The following FMN2 variants were observed in gnomAD, a reference collection of about 807,000 sequenced individuals.
FMN2 encodes the protein formin-2.
In FMN2, 51 loss-of-function variants were observed where a neutral mutation model predicts 142.3. The observed-to-expected ratio is 0.36, with a 90% CI of 0.29 to 0.45. The LOEUF (loss-of-function observed/expected upper bound fraction) is 0.45. FMN2 is among the 20% of genes least tolerant of loss of function. The probability of loss-of-function intolerance (pLI) is 1.00; values close to 1 mark genes in which losing one functional copy is unlikely to be tolerated. For synonymous variants in FMN2, 882 were observed against 869.8 expected (o/e 1.01, Z -0.25); for missense variants, 1,936 against 2,122.8 (o/e 0.91, Z 1.73).
chr1:240,107,041 T>G (rs368211018), intron 1 of FMN2, among the ~76,000 whole-genome samples: 16 of 151,666 alleles, frequency 1.1e-4, no homozygotes, highest in Non-Finnish European at 2.1e-4. Context: ...TTCCATTGAC[T>G]GTAGGAACAC....
intron 6 of FMN2, among the ~76,000 whole-genome samples, chr1:240,218,147 A>G (rs1276493096): frequency 6.6e-6 from 1 of 151,926 alleles, no homozygotes; most frequent in Non-Finnish European, 1.5e-5. Flanking sequence ...GCTGGGCGTG[A>G]TGGCATGCGC....
intron 2 of FMN2, among the ~76,000 whole-genome samples, chr1:240,176,377 T>G (rs1038181216): frequency 6.6e-6 from 1 of 152,194 alleles, no homozygotes; most frequent in Non-Finnish European, 1.5e-5. Flanking sequence ...AGCTTGCCAC[T>G]CTGGTAGGTG....
intron 15 of FMN2, among the ~76,000 whole-genome samples, chr1:240,428,997 C>A (rs562169206): frequency 6.6e-6 from 1 of 152,082 alleles, no homozygotes; most frequent in East Asian, 1.9e-4. Flanking sequence ...TTTAAAATTT[C>A]TCTTTGATTT....
At chr1:240,461,099 T>G (rs567077432) in intron 16 of FMN2, among the ~76,000 whole-genome samples, 6 of 152,332 alleles carry the variant, frequency 3.9e-5, no homozygotes, top group South Asian at 2.1e-4. Context: ...TTGCCTGCCT[T>G]CCTTCTTGCA....
intron 15 of FMN2, among the ~76,000 whole-genome samples, chr1:240,437,509 A>G (rs182259386): frequency 0.011 from 1,623 of 151,950 alleles, 14 homozygotes; most frequent in Non-Finnish European, 0.014. Flanking sequence ...TCACCGTGTT[A>G]GCCAGGATGG....
intron 15 of FMN2, among the ~76,000 whole-genome samples, chr1:240,428,146 G>A (rs79993434): frequency 0.033 from 5,040 of 151,718 alleles, 259 homozygotes; most frequent in African/African-American, 0.12. Flanking sequence ...TTCCTTAAGC[G>A]TTGTAATGAA....
chr1:240,367,643 C>T (rs563644578), intron 14 of FMN2, among the ~76,000 whole-genome samples: 14 of 151,776 alleles, frequency 9.2e-5, no homozygotes, highest in Non-Finnish European at 1.5e-4. Flanking sequence ...TGGTGGGCTC[C>T]TGTAGTCCCA....
chr1:240,385,500 G>A (rs1252451347), intron 14 of FMN2, among the ~76,000 whole-genome samples: 1 of 152,154 alleles, frequency 6.6e-6, no homozygotes, highest in Admixed American at 6.6e-5. Flanking sequence ...TGTAGGTAGA[G>A]TAATATATAG....
intron 15 of FMN2, among the ~76,000 whole-genome samples, chr1:240,433,212 A>C (rs1476635323): frequency 1.3e-5 from 2 of 152,138 alleles, no homozygotes; most frequent in East Asian, 3.9e-4. Flanking sequence ...ATGAAATAAC[A>C]CCCTGGTTAT....
In FMN2 at chr1:240,342,414, G is replaced by A. The variant is rs962524108; in HGVS notation, c.4765+8185G>A. Among the ~76,000 whole-genome samples, 14 of 152,172 alleles carry A rather than the reference G, an allele frequency of 9.2e-5. 1 individual carries two copies. Among genetic ancestry groups the A allele is most frequent in the Admixed American group, 7.9e-4 (12 of 15,272 alleles). On this transcript the variant is annotated intron_variant, in intron 13 of 17. Coordinates refer to ENST00000319653, the MANE Select transcript of FMN2 (RefSeq NM_020066.5). ...TCATAATTCGTCTCATGAATGTGCT[G>A]TAGTTTAGTGAGTAATTTGATTCTT...
chr1:240,159,299 AT>A (rs1230263225), intron 2 of FMN2, among the ~76,000 whole-genome samples: 1 of 152,108 alleles, frequency 6.6e-6, no homozygotes, highest in African/African-American at 2.4e-5. Context: ...AATAAAAGGT[AT>A]CGTGTTAATG....
chr1:240,098,485 T>C (rs552877604), intron 1 of FMN2, among the ~76,000 whole-genome samples: 1 of 152,206 alleles, frequency 6.6e-6, no homozygotes, highest in East Asian at 1.9e-4. Flanking sequence ...CCAGGAGTAG[T>C]TTGATTTCCA....
At chr1:240,246,831 C>CT (rs1326590059) in intron 6 of FMN2, among the ~76,000 whole-genome samples, 2 of 152,094 alleles carry the variant, frequency 1.3e-5, no homozygotes, top group Non-Finnish European at 2.9e-5. Context: ...CAAGATAATT[C>CT]TTTTTTCTGA....
At position 240,439,279 on chromosome 1, in the gene FMN2, A is replaced by AAAAGAAAG. The variant is rs1553265377; in HGVS notation, c.5060+1087_5060+1094dup. ...CAGAGCAAGGCTGTCTCAAAAAAAA[A>AAAAGAAAG]AAAGAAAGAAAGAAAGAAAGAAAGA... On this transcript the variant is annotated intron_variant, in intron 16 of 17. Transcript: ENST00000319653. Among the ~76,000 whole-genome samples, 307 of 124,188 alleles carry AAAAGAAAG rather than the reference A, an allele frequency of 2.5e-3. 1 individual carries two copies. Among genetic ancestry groups the AAAAGAAAG allele is most frequent in the East Asian group, 3.2e-3 (13 of 4,066 alleles). 81.5% of individuals were successfully genotyped at this position (124,188 alleles called of 152,430 possible). A position where few individuals can be genotyped will look rare whatever the true frequency, so the allele number is the denominator to read the frequency against.
At position 240,422,016 on chromosome 1, in the gene FMN2, C is replaced by T. The variant is rs528909298; in HGVS notation, c.4911-16045C>T. ...AGGCAGAGAGTGAGAACTGGACCTGCATGGGGAGAGAGGAGAGAGCCACCT... is the reference window on the plus strand; with the variant it reads ...AGGCAGAGAGTGAGAACTGGACCTGTATGGGGAGAGAGGAGAGAGCCACCT... On this transcript the variant is annotated intron_variant, in intron 15 of 17. Coordinates refer to ENST00000319653, the MANE Select transcript of FMN2 (RefSeq NM_020066.5). Among the ~76,000 whole-genome samples, 9 of 152,224 alleles carry T rather than the reference C, an allele frequency of 5.9e-5. No individual in the cohort carries two copies. The East Asian group carries it at 1.5e-3, about 26-fold the overall frequency.
chr1:240,469,225 C>T (rs560609362), intron 16 of FMN2, among the ~76,000 whole-genome samples: 1 of 152,230 alleles, frequency 6.6e-6, no homozygotes, highest in African/African-American at 2.4e-5. Flanking sequence ...CAGATTCTGC[C>T]AGATGCTACT....
At chr1:240,469,951 C>T (rs1676753577) in intron 16 of FMN2, among the ~76,000 whole-genome samples, 1 of 152,112 alleles carries the variant, frequency 6.6e-6, no homozygotes, top group Non-Finnish European at 1.5e-5. Flanking sequence ...GCACATTCTC[C>T]TCAGTTTTTG....
chr1:240,431,457 C>T (rs1465250232), intron 15 of FMN2, among the ~76,000 whole-genome samples: 1 of 143,990 alleles, frequency 6.9e-6, no homozygotes, highest in African/African-American at 2.7e-5. Flanking sequence ...TGTTTTATTT[C>T]TTCCTTTCCA....
intron 1 of FMN2, among the ~76,000 whole-genome samples, chr1:240,119,845 T>C (rs974421334): frequency 2.6e-5 from 4 of 152,240 alleles, no homozygotes; most frequent in East Asian, 1.9e-4. Context: ...TTTTTTGTCA[T>C]ATACATTATC....
Sources: allele counts gnomAD v4.1 joint callset (sites outside exome capture counted in the v4.1 genomes callset), GRCh38; gene constraint gnomAD v4.1.1; transcripts MANE v1.5; gene names NCBI Gene and HGNC (gene_info 2026-07-23, HGNC 2026-07-21).